Variants in NCAPD3 observed in about 807,000 individuals in gnomAD.
NCAPD3 encodes non-SMC condensin II complex subunit D3, also known as condensin-2 complex subunit D3.
In NCAPD3, 105 loss-of-function variants were observed where a neutral mutation model predicts 182.9. The ratio of observed to expected loss-of-function variants is 0.57; its 90% CI spans 0.49 to 0.68. The LOEUF (loss-of-function observed/expected upper bound fraction) is 0.68. Among genes scored for constraint, NCAPD3 ranks in the 30% least tolerant of loss-of-function variants. The pLI is 0.00. For synonymous variants in NCAPD3, 815 were observed against 679.9 expected (o/e 1.20, Z -3.09); for missense variants, 1,944 against 1,837.0 (o/e 1.06, Z -1.07).
rs1490816547 is a variant in NCAPD3, at chr11:134,204,387, T to A, written c.1090-216A>T. On this transcript the variant is annotated intron_variant, in intron 9 of 34. Transcript: ENST00000534548. The surrounding 1 kb of genome is among the most constrained non-coding windows in gnomAD (Gnocchi z 4.3). ...CTCCAGAAAAATGCACATACAAATT[T>A]AGTATACAATTTCAGAGAGTTTTTA... Among the ~76,000 whole-genome samples the A allele has an allele frequency of 6.6e-6, 1 of 152,182 alleles. No individual in the cohort carries two copies. The highest frequency in any genetic ancestry group is 2.4e-5 in the African/African-American group (1 of 41,428).
chr11:134,178,841 C>G lies in NCAPD3; in HGVS notation c.2655G>C (p.Ser885=), dbSNP rs150833580. Residue 885 remains serine (S), a synonymous_variant, in exon 21 of 35, where the codon TCG becomes TCC. Transcript: ENST00000534548. The stretch of plus-strand genomic sequence containing the variant: ...CCTTACAGTGGTCAGCATCAGCAGA[C>G]GAAGCCAGGACGGACTGAATCAGAA... ...IFLLIQSVLA[S]SADADHSPSS... is the part of the protein sequence containing the mutation. The G allele has an allele frequency of 1.9e-6, 3 of 1,613,986 alleles. No homozygotes were observed. Among genetic ancestry groups the G allele is most frequent in the Non-Finnish European group, 2.5e-6 (3 of 1,180,002 alleles).
intron 31 of NCAPD3, among the ~76,000 whole-genome samples, chr11:134,157,553 G>T (rs1466979448): frequency 6.6e-6 from 1 of 152,218 alleles, no homozygotes; most frequent in East Asian, 1.9e-4. Context: ...GCAAAGGTTG[G>T]AAAGAAAAGT....
intron 25 of NCAPD3, 53 bp downstream of exon 25, chr11:134,168,864 T>C: frequency 6.4e-7 from 1 of 1,572,236 alleles, no homozygotes; most frequent in East Asian, 2.2e-5. Context: ...CTCCCCTGAT[T>C]CCCCCAGCTC....
upstream of NCAPD3, chr11:134,224,051 C>A (rs990534688): frequency 5.9e-6 from 7 of 1,189,892 alleles, no homozygotes; most frequent in Admixed American, 1.5e-4. Context: ...ACCACCGCGC[C>A]GAGCCGTTTC....
chr11:134,218,794 T>C (rs1938120492), intron 2 of NCAPD3, among the ~76,000 whole-genome samples: 2 of 152,176 alleles, frequency 1.3e-5, no homozygotes, highest in African/African-American at 4.8e-5. Context: ...CTCCGGATCA[T>C]GCCATTATTA....
intron 20 of NCAPD3, among the ~76,000 whole-genome samples, chr11:134,179,522 T>C (rs1944247969): frequency 6.6e-6 from 1 of 152,240 alleles, no homozygotes; most frequent in South Asian, 2.1e-4. Flanking sequence ...CAATGAACAC[T>C]GATGCTGTTT....
upstream of NCAPD3, chr11:134,224,094 C>A: frequency 2.5e-6 from 2 of 801,456 alleles, no homozygotes; most frequent in Non-Finnish European, 2.0e-6. Flanking sequence ...CGTCGTCCGC[C>A]GCACGCTCAG....
At chr11:134,196,022 G>A (rs1156327818) in intron 13 of NCAPD3, among the ~76,000 whole-genome samples, 1 of 151,830 alleles carries the variant, frequency 6.6e-6, no homozygotes, top group East Asian at 1.9e-4. Flanking sequence ...AATAAAAGAT[G>A]GAAAACAATA....
At position 134,158,411 on chromosome 11, in the gene NCAPD3, G is replaced by A; in HGVS notation, c.3952C>T (p.Pro1318Ser). ...GCTACATGGCCAGCACTTGCCCTGG[G>A]TGTGCAGGGCTGGCTCACGGCAGGT... ...MSPAVSQPCTPRASAGHVAVS... is the reference protein window; with the variant it reads ...MSPAVSQPCTSRASAGHVAVS... Residue 1318 changes from proline (P) to serine (S), a missense_variant, in exon 30 of 35, where the codon CCC (proline) becomes TCC (serine). Physicochemically the swap from Pro to Ser is moderately conservative, Grantham distance 74 (BLOSUM62 -1). This residue lies in a region of NCAPD3 where 1,803 missense variants were observed against 1,674.6 expected (regional missense o/e 1.08). Transcript: ENST00000534548. 6.2e-7 allele frequency: 1 copy of A among 1,614,220 alleles called. No homozygotes were observed. Among genetic ancestry groups the A allele is most frequent in the Non-Finnish European group, 8.5e-7 (1 of 1,180,028 alleles).
intron 13 of NCAPD3, 104 bp from the exon 14 acceptor site, chr11:134,194,842 A>C: frequency 4.5e-6 from 3 of 665,660 alleles, no homozygotes; most frequent in Non-Finnish European, 7.5e-6. Flanking sequence ...TTAAAGACTC[A>C]TTAGCTTGTT....
chr11:134,218,866 C>A (rs1417723635), intron 2 of NCAPD3, among the ~76,000 whole-genome samples: 1 of 152,194 alleles, frequency 6.6e-6, no homozygotes, highest in Non-Finnish European at 1.5e-5. Context: ...CAATTTTTCC[C>A]ACTTCAGTCC....
upstream of NCAPD3, chr11:134,225,215 C>T (rs770630281): frequency 5.0e-6 from 8 of 1,614,012 alleles, no homozygotes; most frequent in East Asian, 1.8e-4. Context: ...AGACGGAGGA[C>T]GGGAAGAAGG....
At chr11:134,209,267 T>A (rs778422951) in intron 5 of NCAPD3, 46 bp downstream of exon 5, 2 of 1,604,374 alleles carry the variant, frequency 1.2e-6, no homozygotes. Context: ...TTAGCCATAG[T>A]CTAATCCTTT....
intron 24 of NCAPD3, among the ~76,000 whole-genome samples, chr11:134,169,937 G>A (rs1943966044): frequency 6.6e-6 from 1 of 152,236 alleles, no homozygotes; most frequent in Non-Finnish European, 1.5e-5. Context: ...AGGAGCACCA[G>A]TCAGCTCTCC....
At chr11:134,171,659 G>A (rs578116181) in intron 24 of NCAPD3, among the ~76,000 whole-genome samples, 4 of 152,142 alleles carry the variant, frequency 2.6e-5, no homozygotes, top group South Asian at 4.1e-4. Flanking sequence ...AAATCCAAGC[G>A]CCTGTGATGG....
At chr11:134,184,267 G>A (rs1329615908) in intron 19 of NCAPD3, among the ~76,000 whole-genome samples, 1 of 152,214 alleles carries the variant, frequency 6.6e-6, no homozygotes, top group South Asian at 2.1e-4. Flanking sequence ...TGTTCTGGAG[G>A]GAACTTCCTG....
chr11:134,169,870 T>C (rs1943963875), intron 24 of NCAPD3, among the ~76,000 whole-genome samples: 1 of 152,244 alleles, frequency 6.6e-6, no homozygotes, highest in African/African-American at 2.4e-5. Context: ...ACATTCACAC[T>C]GTCAAGACCA....
intron 13 of NCAPD3, among the ~76,000 whole-genome samples, chr11:134,195,710 G>A (rs547552032): frequency 1.3e-5 from 2 of 151,676 alleles, no homozygotes; most frequent in South Asian, 2.1e-4. Flanking sequence ...ACCAAGACCC[G>A]ATTTTAAAAA....
intron 24 of NCAPD3, among the ~76,000 whole-genome samples, chr11:134,174,530 T>G (rs1336792944): frequency 6.7e-6 from 1 of 149,622 alleles, no homozygotes; most frequent in Non-Finnish European, 1.5e-5. Context: ...ACACTCTCAC[T>G]CATATGTAAG....
Sources: gnomAD v4.1 joint callset for allele counts (sites outside exome capture counted in the v4.1 genomes callset) on GRCh38, gnomAD v4.1.1 for gene constraint, gnomAD v4.1.1 regional missense constraint, Gnocchi (gnomAD v3.1) non-coding constraint, MANE v1.5 for transcripts, NCBI Gene and HGNC (gene_info 2026-07-23, HGNC 2026-07-21) for gene names.